Variants in MAP2K4 observed in about 807,000 individuals in gnomAD.
MAP2K4 encodes dual specificity mitogen-activated protein kinase kinase 4.
A neutral mutation model predicts 48.5 loss-of-function variants in MAP2K4; 4 were observed. The observed-to-expected ratio is 0.08, with a 90% confidence interval of 0.04 to 0.19. The LOEUF is 0.19. Among genes scored for constraint, MAP2K4 ranks in the 10% least tolerant of loss-of-function variants. The pLI, the probability that MAP2K4 is intolerant of heterozygous loss-of-function variation, is 1.00. For synonymous variants in MAP2K4, 166 were observed against 173.1 expected (o/e 0.96, Z 0.32); for missense variants, 258 against 493.3 (o/e 0.52, Z 4.52).
chr17:12,083,216 G>A (rs1971249034), intron 3 of MAP2K4, among the ~76,000 whole-genome samples: 2 of 152,340 alleles, frequency 1.3e-5, no homozygotes, highest in African/African-American at 4.8e-5. Context: ...TAAAGGTAAA[G>A]AGGGTACTTC....
At chr17:12,124,293 CTT>C (rs1010655557) in intron 7 of MAP2K4, 1 of 152,190 alleles carries the variant, frequency 6.6e-6, no homozygotes, top group Non-Finnish European at 1.5e-5. Flanking sequence ...CTCTCTCTCT[CTT>C]CCCTTTTCCT....
At position 12,142,947 on chromosome 17, in the gene MAP2K4, C is replaced by T. The variant is rs1302007012; in HGVS notation, c.*1687C>T. ...TGGCACGTATTGCTGTGTCTCCTCT[C>T]AGAGTGACAGTCATAAATACTGTCA... is the stretch of plus-strand genomic sequence containing the variant. On this transcript the variant is annotated 3_prime_UTR_variant, in exon 11 of 11. Transcript: ENST00000353533. 1 of 232,796 alleles carries T rather than the reference C, an allele frequency of 4.3e-6. No individual in the cohort carries two copies. The highest frequency in any genetic ancestry group is 6.0e-5 in the East Asian group (1 of 16,546). The allele number at this position is 232,796 out of a possible 1,614,324, so 14.4% of individuals were successfully genotyped here.
chr17:12,099,570 A>G (rs1220869878), intron 4 of MAP2K4, among the ~76,000 whole-genome samples: 1 of 152,202 alleles, frequency 6.6e-6, no homozygotes, highest in Admixed American at 6.5e-5. Context: ...TCAACCATGC[A>G]TACTTCTTTC....
chr17:12,051,826 G>A (rs1261451441), intron 1 of MAP2K4, among the ~76,000 whole-genome samples: 1 of 151,422 alleles, frequency 6.6e-6, no homozygotes, highest in African/African-American at 2.4e-5. Context: ...ATTTTTTTGA[G>A]GGACCCTTGA....
At chr17:12,057,862 G>A (rs1970329345) in intron 2 of MAP2K4, among the ~76,000 whole-genome samples, 1 of 152,094 alleles carries the variant, frequency 6.6e-6, no homozygotes. Context: ...ATACAAAATA[G>A]GGAATTTAAA....
chr17:12,121,809 T>C (rs1597489763), intron 7 of MAP2K4, among the ~76,000 whole-genome samples: 1 of 152,328 alleles, frequency 6.6e-6, no homozygotes, highest in East Asian at 1.9e-4. Context: ...TGCATAACAT[T>C]GCAAAGCACA....
intron 1 of MAP2K4, among the ~76,000 whole-genome samples, chr17:12,044,186 G>A (rs1488877747): frequency 6.6e-6 from 1 of 152,190 alleles, no homozygotes; most frequent in Non-Finnish European, 1.5e-5. Context: ...AGGTACTTCT[G>A]TAGCAAAATT....
intron 1 of MAP2K4, among the ~76,000 whole-genome samples, chr17:12,035,268 A>G (rs923945313): frequency 2.0e-5 from 3 of 152,214 alleles, no homozygotes; most frequent in Middle Eastern, 3.2e-3. Flanking sequence ...CTGTAATCCC[A>G]GCACTTCGGG....
chr17:12,092,333 T>C (rs1971589158), intron 3 of MAP2K4, among the ~76,000 whole-genome samples: 1 of 152,224 alleles, frequency 6.6e-6, no homozygotes, highest in African/African-American at 2.4e-5. Flanking sequence ...CATTTTTCTG[T>C]GCTCTTAAGG....
rs572080565 is a variant in MAP2K4, at chr17:12,064,657, TAGGTTTTTAATAAAATG to T, written c.218+9668_218+9684del. On this transcript the variant is annotated intron_variant, in intron 2 of 10. Coordinates refer to ENST00000353533, the MANE Select transcript of MAP2K4 (RefSeq NM_003010.4). ...GTACAACCACTTTAGAAAACTCTGC[TAGGTTTTTAATAAAATG>T]AAACAAGCACCTGCCCCTGACCCAG... Among the ~76,000 whole-genome samples, 1,147 of 152,324 alleles carry T rather than the reference TAGGTTTTTAATAAAATG, an allele frequency of 7.5e-3. 10 individuals are homozygous for T. Among genetic ancestry groups the T allele is most frequent in the African/African-American group, 0.025 (1,028 of 41,572 alleles).
At chr17:12,065,158 C>G (rs1490182231) in intron 2 of MAP2K4, among the ~76,000 whole-genome samples, 1 of 151,888 alleles carries the variant, frequency 6.6e-6, no homozygotes, top group African/African-American at 2.4e-5. Context: ...TGTCAAAACT[C>G]ATTGAGCCAC....
At position 12,142,279 on chromosome 17, in the gene MAP2K4, TAAAGA is replaced by T. The variant is rs1973397089; in HGVS notation, c.*1020_*1024del. 8.6e-6 allele frequency: 2 copies of T among 233,402 alleles called. No individual in the cohort carries two copies. The highest frequency in any genetic ancestry group is 3.6e-4 in the South Asian group (2 of 5,522). The allele number at this position is 233,402 out of a possible 1,614,324, so 14.5% of individuals were successfully genotyped here. ...TAGCAATGTGCCTTGATTGATTAGA[TAAAGA>T]TTTCTAGTAGGCAGCAAAAGACCAA... On this transcript the variant is annotated 3_prime_UTR_variant, in exon 11 of 11. Coordinates refer to ENST00000353533, the MANE Select transcript of MAP2K4 (RefSeq NM_003010.4).
chr17:12,052,129 A>G (rs1223553314), intron 1 of MAP2K4, among the ~76,000 whole-genome samples: 1 of 152,214 alleles, frequency 6.6e-6, no homozygotes, highest in Non-Finnish European at 1.5e-5. Context: ...CCAGCAAGGT[A>G]ACTTGATCAT....
chr17:12,092,740 T>TAGCAG (rs1971602061), intron 3 of MAP2K4, among the ~76,000 whole-genome samples: 1 of 152,174 alleles, frequency 6.6e-6, no homozygotes, highest in African/African-American at 2.4e-5. Flanking sequence ...AATTAAGAGT[T>TAGCAG]AGCAGGTCGG....
intron 2 of MAP2K4, among the ~76,000 whole-genome samples, chr17:12,077,452 A>G (rs1240343459): frequency 2.0e-5 from 3 of 152,306 alleles, no homozygotes; most frequent in Non-Finnish European, 4.4e-5. Context: ...TAAACCAGAT[A>G]GTTTATTTCA....
At chr17:12,029,674 C>T (rs943451291) in intron 1 of MAP2K4, among the ~76,000 whole-genome samples, 3 of 152,094 alleles carry the variant, frequency 2.0e-5, no homozygotes, top group African/African-American at 7.2e-5. Context: ...TGAGATGGCT[C>T]ATGCCTATAA....
intron 3 of MAP2K4, chr17:12,095,315 C>G (rs370324440): frequency 8.7e-6 from 4 of 458,492 alleles, no homozygotes; most frequent in Admixed American, 6.9e-5. Context: ...TTGCATAACT[C>G]CCAACATTAT....
intron 1 of MAP2K4, among the ~76,000 whole-genome samples, chr17:12,034,701 G>A (rs1969539501): frequency 1.3e-5 from 2 of 152,216 alleles, no homozygotes; most frequent in African/African-American, 4.8e-5. Flanking sequence ...TTCAACCACC[G>A]ATGTTACATA....
intron 1 of MAP2K4, 146 bp downstream of exon 1, chr17:12,021,147 C>A: frequency 2.3e-6 from 1 of 437,376 alleles, no homozygotes; most frequent in Non-Finnish European, 3.6e-6. Context: ...CGGCTTCCCG[C>A]CCCGCTCCCG....
Sources: allele counts gnomAD v4.1 joint callset (sites outside exome capture counted in the v4.1 genomes callset), GRCh38; gene constraint gnomAD v4.1.1; transcripts MANE v1.5; gene names NCBI Gene and HGNC (gene_info 2026-07-23, HGNC 2026-07-21).